The following MARCHF3 variants were observed in gnomAD, a reference collection of about 807,000 sequenced individuals.
MARCHF3 encodes E3 ubiquitin-protein ligase MARCHF3.
A neutral mutation model predicts 24.2 loss-of-function variants in MARCHF3; 13 were observed. That is an observed-to-expected ratio of 0.54 (90% confidence interval 0.35 to 0.85). The LOEUF is 0.85. Ranked by LOEUF, MARCHF3 falls within the 40% of genes least tolerant of loss-of-function variation. The pLI is 0.01. For synonymous variants in MARCHF3, 144 were observed against 137.3 expected (o/e 1.05, Z -0.34); for missense variants, 276 against 325.0 (o/e 0.85, Z 1.16).
intron 3 of MARCHF3, among the ~76,000 whole-genome samples, chr5:126,900,100 A>T (rs1324420394): frequency 1.3e-5 from 2 of 152,040 alleles, no homozygotes; most frequent in Non-Finnish European, 2.9e-5. Context: ...TAATAGACGA[A>T]TCTGGTGTCA....
At chr5:126,941,533 GT>G (rs1749830666) in intron 1 of MARCHF3, among the ~76,000 whole-genome samples, 1 of 152,158 alleles carries the variant, frequency 6.6e-6, no homozygotes, top group South Asian at 2.1e-4. Context: ...CAAAACTGAA[GT>G]CAAAGTATGT....
At chr5:126,983,151 A>G (rs757668099) in intron 1 of MARCHF3, among the ~76,000 whole-genome samples, 12 of 152,174 alleles carry the variant, frequency 7.9e-5, no homozygotes, top group Non-Finnish European at 1.5e-4. Context: ...GAGGAATCAC[A>G]TCGCTGGATG....
At chr5:126,903,393 C>T (rs1754170591) in intron 3 of MARCHF3, among the ~76,000 whole-genome samples, 1 of 152,058 alleles carries the variant, frequency 6.6e-6, no homozygotes, top group African/African-American at 2.4e-5. Context: ...GTCCAACTAC[C>T]TTACTCACTA....
At chr5:126,959,162 G>A (rs1306099827) in intron 1 of MARCHF3, among the ~76,000 whole-genome samples, 1 of 152,112 alleles carries the variant, frequency 6.6e-6, no homozygotes, top group African/African-American at 2.4e-5. Flanking sequence ...TTACTATGAA[G>A]AAACCTGACA....
intron 1 of MARCHF3, among the ~76,000 whole-genome samples, chr5:126,936,112 G>A (rs990153195): frequency 6.6e-6 from 1 of 152,086 alleles, no homozygotes; most frequent in Non-Finnish European, 1.5e-5. Flanking sequence ...GATGACATGG[G>A]CTTTTTTGAG....
intron 4 of MARCHF3, among the ~76,000 whole-genome samples, chr5:126,875,557 A>G (rs1753119448): frequency 6.6e-6 from 1 of 152,272 alleles, no homozygotes; most frequent in South Asian, 2.1e-4. Context: ...AAGTGCTGTC[A>G]GCTTCTGAAT....
intron 3 of MARCHF3, among the ~76,000 whole-genome samples, chr5:126,887,175 A>G (rs1753534315): frequency 6.6e-6 from 1 of 152,212 alleles, no homozygotes; most frequent in Non-Finnish European, 1.5e-5. Flanking sequence ...TGGCCTACAA[A>G]GCCCTGCATA....
chr5:127,015,933 T>C lies in MARCHF3; in HGVS notation c.-57+14417A>G, dbSNP rs372148420. Among the ~76,000 whole-genome samples, 46 of 152,288 alleles carry C rather than the reference T, an allele frequency of 3.0e-4. 1 individual carries two copies. In the South Asian group the frequency reaches 6.2e-3, roughly 21 times the overall value. On this transcript the variant is annotated intron_variant, in intron 1 of 4. Transcript: ENST00000308660. ...CTCTGCTTGTGCAGCACGTCTATGC[T>C]GTCTACATTCCCTGCCTGTCAGTCA...
chr5:127,011,649 AGT>A (rs1752477780), intron 1 of MARCHF3, among the ~76,000 whole-genome samples: 2 of 152,218 alleles, frequency 1.3e-5, no homozygotes, highest in Non-Finnish European at 2.9e-5. Flanking sequence ...ATTCCCTAAA[AGT>A]GTAGTTTTCC....
intron 1 of MARCHF3, among the ~76,000 whole-genome samples, chr5:126,943,977 A>T (rs1749922162): frequency 1.3e-5 from 2 of 151,848 alleles, no homozygotes; most frequent in African/African-American, 4.8e-5. Flanking sequence ...CGCCCAGCTA[A>T]TTTTTTTGTA....
intron 1 of MARCHF3, among the ~76,000 whole-genome samples, chr5:127,015,963 G>T (rs1229388660): frequency 1.3e-5 from 2 of 152,100 alleles, no homozygotes; most frequent in Non-Finnish European, 2.9e-5. Flanking sequence ...CAGTCACTTA[G>T]TAGCCCTCTG....
intron 1 of MARCHF3, among the ~76,000 whole-genome samples, chr5:126,971,404 G>A (rs1315947861): frequency 6.1e-5 from 9 of 146,588 alleles, no homozygotes; most frequent in East Asian, 4.0e-4. Context: ...AGCCGAGGTC[G>A]CGCCACTGCA....
rs146697720 is a variant in MARCHF3, at chr5:127,007,079, A to G, written c.-57+23271T>C. ...CACCAAAAAGTTCTTAGTATATTTC[A>G]TCAGCGAAACAAAGTAACAAGCAAG... On this transcript the variant is annotated intron_variant, in intron 1 of 4. Transcript: ENST00000308660. 2.8e-4 allele frequency among the ~76,000 whole-genome samples: 43 copies of G among 152,206 alleles called. No individual in the cohort carries two copies. In the East Asian group the frequency reaches 6.6e-3, roughly 23 times the overall value.
intron 1 of MARCHF3, among the ~76,000 whole-genome samples, chr5:127,007,446 T>C (rs1430250800): frequency 6.6e-6 from 1 of 152,114 alleles, no homozygotes; most frequent in Non-Finnish European, 1.5e-5. Flanking sequence ...TGAAAAATTA[T>C]AGAAGTTATT....
At chr5:127,002,734 G>A (rs569059143) in intron 1 of MARCHF3, among the ~76,000 whole-genome samples, 1 of 152,316 alleles carries the variant, frequency 6.6e-6, no homozygotes, top group Admixed American at 6.5e-5. Context: ...ACTGCAGAAC[G>A]TTCAGAAAGT....
chr5:126,923,639 AAAGT>A (rs1749200606), intron 1 of MARCHF3, among the ~76,000 whole-genome samples: 2 of 152,216 alleles, frequency 1.3e-5, no homozygotes, highest in Non-Finnish European at 2.9e-5. Context: ...ATGATCCCCC[AAAGT>A]AATGAGTTTA....
chr5:126,926,441 A>G (rs1749299148), intron 1 of MARCHF3, among the ~76,000 whole-genome samples: 1 of 152,212 alleles, frequency 6.6e-6, no homozygotes, highest in African/African-American at 2.4e-5. Context: ...AAGGTCACTC[A>G]GCTTGCCAAG....
At chr5:126,984,196 A>C (rs1431234048) in intron 1 of MARCHF3, among the ~76,000 whole-genome samples, 1 of 152,176 alleles carries the variant, frequency 6.6e-6, no homozygotes, top group East Asian at 1.9e-4. Context: ...TTAAGAGGAC[A>C]GTGGTTCTAG....
At chr5:126,906,751 A>G (rs1406638713) in intron 3 of MARCHF3, among the ~76,000 whole-genome samples, 1 of 151,664 alleles carries the variant, frequency 6.6e-6, no homozygotes, top group Non-Finnish European at 1.5e-5. Context: ...AATCTTGTTG[A>G]TCCTTTCAAA....
Sources: gnomAD v4.1 joint callset for allele counts (sites outside exome capture counted in the v4.1 genomes callset) on GRCh38, gnomAD v4.1.1 for gene constraint, MANE v1.5 for transcripts, NCBI Gene and HGNC (gene_info 2026-07-23, HGNC 2026-07-21) for gene names.